PFKFB3: variants seen among roughly 807,000 people sequenced by gnomAD.
PFKFB3 encodes 6-phosphofructo-2-kinase/fructose-2,6-bisphosphatase 3.
PFKFB3 carries 33 observed loss-of-function variants against 68.0 expected under a neutral mutation model. That is an observed-to-expected ratio of 0.49 (90% CI 0.37 to 0.65). The LOEUF (loss-of-function observed/expected upper bound fraction) is 0.65, where lower values mean the gene tolerates loss of function less well. Among genes scored for constraint, PFKFB3 ranks in the 30% least tolerant of loss-of-function variants. The pLI, the probability that PFKFB3 is intolerant of heterozygous loss-of-function variation, is 0.00. For missense variants in PFKFB3, 586 were observed against 712.2 expected (o/e 0.82, Z 2.02); for synonymous variants, 315 against 288.2 (o/e 1.09, Z -0.94).
upstream of PFKFB3, chr10:6,202,782 G>A (rs1843416552): frequency 1.4e-6 from 1 of 697,872 alleles, no homozygotes; most frequent in African/African-American, 1.9e-5. Flanking sequence ...GGCCCGCAGG[G>A]GGAGCTCGCA....
chr10:6,226,072 C>T, intron 13 of PFKFB3, 120 bp from the exon 14 acceptor site: 1 of 887,656 alleles, frequency 1.1e-6, no homozygotes, highest in Non-Finnish European at 1.8e-6. Context: ...CCCGGCCACT[C>T]CCCTCGGTCA....
At chr10:6,292,733 C>T in the PFKFB3 span, among the ~76,000 whole-genome samples, 1,643 of 151,822 alleles carry the variant, frequency 0.011, 29 homozygotes, top group African/African-American at 0.037. Context: ...GTAACATGAA[C>T]AGCACTTCTC....
At chr10:6,308,403 C>G in the PFKFB3 span, among the ~76,000 whole-genome samples, 44 of 152,156 alleles carry the variant, frequency 2.9e-4, no homozygotes, top group African/African-American at 1.0e-3. Flanking sequence ...ATAATCCCAG[C>G]TACTTGGGAG....
rs1029923959 is a variant in PFKFB3, at chr10:6,166,683, C to T, written c.16+21670C>T. 2.6e-5 allele frequency among the ~76,000 whole-genome samples: 4 copies of T among 152,160 alleles called. No homozygotes were observed. The South Asian group carries it at 6.2e-4, about 24-fold the overall frequency. On this transcript the variant is annotated intron_variant, in intron 1 of 14. Coordinates refer to the PFKFB3 transcript ENST00000379789. ...GTCGGATCTTGAGTAGCACCTGTTTCGGCCCATTGCCCCTTTAACAAGGGG... is the reference window on the plus strand; with the variant it reads ...GTCGGATCTTGAGTAGCACCTGTTTTGGCCCATTGCCCCTTTAACAAGGGG...
the PFKFB3 span, among the ~76,000 whole-genome samples, chr10:6,281,184 C>A: frequency 3.6e-4 from 13 of 36,012 alleles, no homozygotes; most frequent in Non-Finnish European, 8.0e-4. Context: ...TATATATATA[C>A]ACCACAGTTT....
At chr10:6,241,446 G>T (rs1846138514) in intron 14 of PFKFB3, among the ~76,000 whole-genome samples, 1 of 152,178 alleles carries the variant, frequency 6.6e-6, no homozygotes, top group Admixed American at 6.5e-5. Flanking sequence ...TTTTTAGGAA[G>T]GAGTCACTTA....
intron 1 of PFKFB3, among the ~76,000 whole-genome samples, chr10:6,209,274 C>T (rs1404262984): frequency 3.3e-5 from 5 of 152,136 alleles, no homozygotes; most frequent in Admixed American, 3.3e-4. Flanking sequence ...CACAGTTGTT[C>T]CTTCCCCTGT....
At chr10:6,203,696 G>A (rs529712773) in intron 1 of PFKFB3, among the ~76,000 whole-genome samples, 2 of 152,128 alleles carry the variant, frequency 1.3e-5, no homozygotes, top group Admixed American at 6.5e-5. Context: ...CCAGGGACCC[G>A]GCCGCTCGCG....
intron 1 of PFKFB3, among the ~76,000 whole-genome samples, chr10:6,170,494 G>A (rs1202142152): frequency 4.6e-5 from 7 of 152,160 alleles, no homozygotes; most frequent in African/African-American, 1.7e-4. Context: ...GATTGCCTGA[G>A]GCCAGGAGTT....
chr10:6,191,070 C>A (rs1407029767), intron 1 of PFKFB3, among the ~76,000 whole-genome samples: 1 of 152,154 alleles, frequency 6.6e-6, no homozygotes, highest in Admixed American at 6.5e-5. Context: ...GGGTGAGCCA[C>A]GACACCCAGC....
At chr10:6,320,492 C>T in the PFKFB3 span, among the ~76,000 whole-genome samples, 1,224 of 151,530 alleles carry the variant, frequency 8.1e-3, 16 homozygotes, top group African/African-American at 0.028. Context: ...ATCTCTGTTA[C>T]CCAGGTGAAA....
In PFKFB3 at chr10:6,178,441, G is replaced by A. The variant is rs544082296; in HGVS notation, c.16+33428G>A. 1.3e-3 allele frequency among the ~76,000 whole-genome samples: 200 copies of A among 152,294 alleles called. 1 individual carries two copies. Among genetic ancestry groups the A allele is most frequent in the Admixed American group, 4.1e-3 (63 of 15,298 alleles). On this transcript the variant is annotated intron_variant, in intron 1 of 14. Coordinates refer to the PFKFB3 transcript ENST00000379789. Reference sequence around the variant, plus strand: ...CGGCTGATATGGGCTTAGGGGAAACGCAGGCAGGAGAGGGGGCTGCAAGCT... The same window carrying A: ...CGGCTGATATGGGCTTAGGGGAAACACAGGCAGGAGAGGGGGCTGCAAGCT...
At chr10:6,196,098 G>A (rs919123555) in intron 1 of PFKFB3, among the ~76,000 whole-genome samples, 25 of 151,460 alleles carry the variant, frequency 1.7e-4, no homozygotes, top group African/African-American at 6.1e-4. Flanking sequence ...GAGACAGCAC[G>A]GGCAGCAGGG....
At chr10:6,254,036 C>T (rs919787733) in intron 14 of PFKFB3, 12 of 386,140 alleles carry the variant, frequency 3.1e-5, no homozygotes, top group African/African-American at 2.3e-4. Flanking sequence ...AGTGAGACTC[C>T]GTCTCAAAAA....
At chr10:6,163,152 C>G (rs763082696) in intron 1 of PFKFB3, among the ~76,000 whole-genome samples, 2 of 152,124 alleles carry the variant, frequency 1.3e-5, no homozygotes, top group South Asian at 2.1e-4. Context: ...CTCGTGATAA[C>G]CTCTGACCCC....
the PFKFB3 span, among the ~76,000 whole-genome samples, chr10:6,306,132 T>C: frequency 6.6e-6 from 1 of 152,164 alleles, no homozygotes; most frequent in African/African-American, 2.4e-5. Context: ...CTCCTGGGCT[T>C]AAGTGATCCT....
Position 6,145,828 on chromosome 10 carries a change from C to A in PFKFB3, c.16+815C>A, listed in dbSNP as rs547624661. Among the ~76,000 whole-genome samples, 5 of 140,392 alleles carry A rather than the reference C, an allele frequency of 3.6e-5. No individual in the cohort carries two copies. In the South Asian group the frequency reaches 1.1e-3, roughly 30 times the overall value. The allele number at this position is 140,392 out of a possible 152,430, so 92.1% of individuals were successfully genotyped here. ...TTCCGCCCTGCGTGCCAGAAAGGCC[C>A]GGCTACCTGGTGTTCCTACCCGCAC... On this transcript the variant is annotated intron_variant, in intron 1 of 14. Transcript: ENST00000379789.
Position 6,215,203 on chromosome 10 carries a change from T to C in PFKFB3, c.203-18T>C, listed in dbSNP as rs758861307. 6.2e-7 allele frequency: 1 copy of C among 1,607,988 alleles called. No individual in the cohort carries two copies. Among genetic ancestry groups the C allele is most frequent in the South Asian group, 1.1e-5 (1 of 90,934 alleles). Reference sequence around the variant, plus strand: ...CCTCCTGCTCGATCATCCAGACTGTTCTCTTTCCCGTCCACAGTGTTCAAC... The same window carrying C: ...CCTCCTGCTCGATCATCCAGACTGTCCTCTTTCCCGTCCACAGTGTTCAAC... On this transcript the variant is annotated intron_variant, in intron 2 of 14. Coordinates refer to ENST00000379775, the MANE Select transcript of PFKFB3 (RefSeq NM_004566.4). This position sits in a 1 kb window ranked among gnomAD's most constrained non-coding sequence, Gnocchi z 4.3.
At chr10:6,274,099 G>T in the PFKFB3 span, among the ~76,000 whole-genome samples, 3 of 152,146 alleles carry the variant, frequency 2.0e-5, no homozygotes, top group East Asian at 3.9e-4. Flanking sequence ...TAGTTGGAAG[G>T]CTGAAGGGGA....
Sources: gnomAD v4.1 joint callset for allele counts (sites outside exome capture counted in the v4.1 genomes callset) on GRCh38, gnomAD v4.1.1 for gene constraint, Gnocchi (gnomAD v3.1) non-coding constraint, MANE v1.5 for transcripts, NCBI Gene and HGNC (gene_info 2026-07-23, HGNC 2026-07-21) for gene names.